The following LRMDA variants were observed in gnomAD, a reference collection of about 807,000 sequenced individuals.
The protein encoded by LRMDA is leucine rich melanocyte differentiation associated, also known as leucine-rich melanocyte differentiation-associated protein.
LRMDA carries 18 observed loss-of-function variants against 29.8 expected under a neutral mutation model. The observed-to-expected ratio is 0.60, with a 90% CI of 0.42 to 0.90. The LOEUF (loss-of-function observed/expected upper bound fraction) is 0.90. Among genes scored for constraint, LRMDA ranks in the 40% least tolerant of loss-of-function variants. LRMDA has a pLI of 0.00. For missense variants in LRMDA, 273 were observed against 273.9 expected (o/e 1.00, Z 0.02); for synonymous variants, 125 against 109.4 (o/e 1.14, Z -0.89).
intron 2 of LRMDA, among the ~76,000 whole-genome samples, chr10:75,464,069 T>G (rs1844623662): frequency 6.6e-6 from 1 of 152,252 alleles, no homozygotes; most frequent in Non-Finnish European, 1.5e-5. Context: ...CCCAAAGTGC[T>G]GGGATTACAG....
At chr10:76,143,470 T>G (rs1850247556) in intron 5 of LRMDA, among the ~76,000 whole-genome samples, 1 of 152,112 alleles carries the variant, frequency 6.6e-6, no homozygotes, top group Non-Finnish European at 1.5e-5. Context: ...TCATGTGTTT[T>G]TTGGCTGCAT....
intron 5 of LRMDA, among the ~76,000 whole-genome samples, chr10:76,080,097 A>T (rs1010732811): frequency 1.8e-4 from 28 of 151,938 alleles, no homozygotes; most frequent in African/African-American, 6.5e-4. Flanking sequence ...ATATGCCTTC[A>T]TTATTGTTCG....
At chr10:75,452,731 AGGG>A in intron 2 of LRMDA, among the ~76,000 whole-genome samples, 1 of 152,176 alleles carries the variant, frequency 6.6e-6, no homozygotes, top group East Asian at 1.9e-4. Flanking sequence ...CCTGACTTGA[AGGG>A]AGTTTGAGGC....
At chr10:75,877,415 C>G (rs970863816) in intron 2 of LRMDA, among the ~76,000 whole-genome samples, 1 of 152,226 alleles carries the variant, frequency 6.6e-6, no homozygotes, top group Non-Finnish European at 1.5e-5. Context: ...CCCACCAATA[C>G]AGTTACCCTT....
At chr10:75,954,080 T>G (rs557179877) in intron 2 of LRMDA, among the ~76,000 whole-genome samples, 9 of 152,238 alleles carry the variant, frequency 5.9e-5, no homozygotes, top group Admixed American at 4.6e-4. Flanking sequence ...AAGCAGAAAG[T>G]GGATCACAGC....
chr10:75,706,702 A>AATCCT (rs1430099189), intron 2 of LRMDA, among the ~76,000 whole-genome samples: 1 of 151,450 alleles, frequency 6.6e-6, no homozygotes, highest in African/African-American at 2.4e-5. Context: ...ATCACGAGAC[A>AATCCT]ATCCTATACG....
At chr10:75,691,777 G>A (rs1842162240) in intron 2 of LRMDA, among the ~76,000 whole-genome samples, 1 of 152,162 alleles carries the variant, frequency 6.6e-6, no homozygotes, top group South Asian at 2.1e-4. Context: ...TTGAGCTAAG[G>A]AAGTTTTTTA....
At chr10:75,625,104 G>C (rs919927733) in intron 2 of LRMDA, among the ~76,000 whole-genome samples, 20 of 152,206 alleles carry the variant, frequency 1.3e-4, no homozygotes, top group Non-Finnish European at 2.5e-4. Context: ...GCAGACACCA[G>C]CCACTCAGTA....
intron 2 of LRMDA, among the ~76,000 whole-genome samples, chr10:75,715,449 C>CT (rs543289486): frequency 0.01 from 1,550 of 150,956 alleles, 24 homozygotes; most frequent in African/African-American, 0.036. Flanking sequence ...TCTTAACTGC[C>CT]TTTTTTTTTA....
chr10:75,469,704 G>A (rs1411855147), intron 2 of LRMDA, among the ~76,000 whole-genome samples: 1 of 152,188 alleles, frequency 6.6e-6, no homozygotes, highest in Admixed American at 6.5e-5. Context: ...CCTTGGAGTT[G>A]CAGAACAATG....
intron 2 of LRMDA, among the ~76,000 whole-genome samples, chr10:75,805,397 C>A (rs1164931655): frequency 1.3e-5 from 2 of 152,120 alleles, no homozygotes; most frequent in Admixed American, 6.6e-5. Context: ...ACTGAAGGAA[C>A]CTTGGAGGTT....
At chr10:76,218,564 C>T (rs765224475) in intron 5 of LRMDA, among the ~76,000 whole-genome samples, 1 of 152,186 alleles carries the variant, frequency 6.6e-6, no homozygotes, top group Non-Finnish European at 1.5e-5. Context: ...GTGCAACTTA[C>T]AGATATCCAA....
At chr10:76,544,698 A>G (rs1185891232) in intron 6 of LRMDA, among the ~76,000 whole-genome samples, 1 of 138,854 alleles carries the variant, frequency 7.2e-6, no homozygotes, top group Non-Finnish European at 1.5e-5. Context: ...ATATACATTT[A>G]CATATATACA....
chr10:76,024,183 A>G (rs1375598508), intron 2 of LRMDA, among the ~76,000 whole-genome samples: 1 of 152,218 alleles, frequency 6.6e-6, no homozygotes, highest in Non-Finnish European at 1.5e-5. Flanking sequence ...TCCCTATGAA[A>G]ACACCACACT....
In LRMDA at chr10:76,057,236, A is replaced by G. The variant is rs1021261946; in HGVS notation, c.399-1430A>G. ...CTCTATGCATAACCTCGATTTTGGC[A>G]CTTAGCTATGCTTATTCCTAATTTC... is the stretch of plus-strand genomic sequence containing the variant. On this transcript the variant is annotated intron_variant, in intron 4 of 6. Transcript: ENST00000611255. Among the ~76,000 whole-genome samples, 4 of 152,204 alleles carry G rather than the reference A, an allele frequency of 2.6e-5. No individual in the cohort carries two copies. In the East Asian group the frequency reaches 5.8e-4, roughly 22 times the overall value.
intron 2 of LRMDA, among the ~76,000 whole-genome samples, chr10:75,533,182 G>C (rs879375986): frequency 1.3e-5 from 2 of 152,194 alleles, no homozygotes; most frequent in African/African-American, 4.8e-5. Flanking sequence ...TCTTTCAACT[G>C]AGAGGATAAC....
intron 6 of LRMDA, among the ~76,000 whole-genome samples, chr10:76,516,413 A>G (rs1294900610): frequency 1.3e-5 from 2 of 152,174 alleles, no homozygotes; most frequent in Non-Finnish European, 2.9e-5. Context: ...TTACATATGT[A>G]TACATGTGCC....
intron 6 of LRMDA, among the ~76,000 whole-genome samples, chr10:76,546,521 A>G (rs1843422949): frequency 6.6e-6 from 1 of 152,348 alleles, no homozygotes; most frequent in Admixed American, 6.5e-5. Context: ...AGTTAGTCAC[A>G]TGACTGTTAT....
intron 2 of LRMDA, among the ~76,000 whole-genome samples, chr10:75,766,580 C>CT (rs1415354538): frequency 6.6e-6 from 1 of 151,900 alleles, no homozygotes; most frequent in African/African-American, 2.4e-5. Flanking sequence ...TTCTTTCTTT[C>CT]TTTTTTTAGA....
Sources: gnomAD v4.1 joint callset for allele counts (sites outside exome capture counted in the v4.1 genomes callset) on GRCh38, gnomAD v4.1.1 for gene constraint, MANE v1.5 for transcripts, NCBI Gene and HGNC (gene_info 2026-07-23, HGNC 2026-07-21) for gene names.